Variants in IFT88 observed in about 807,000 individuals in gnomAD.
IFT88 encodes intraflagellar transport protein 88 homolog.
A neutral mutation model predicts 119.5 loss-of-function variants in IFT88; 74 were observed. That is an observed-to-expected ratio of 0.62 (90% CI 0.51 to 0.75). IFT88 has a LOEUF of 0.75. Ranked by LOEUF, IFT88 falls within the 30% of genes least tolerant of loss-of-function variation. The pLI, the probability that IFT88 is intolerant of heterozygous loss-of-function variation, is 0.00. For synonymous variants in IFT88, 279 were observed against 316.7 expected, an observed-to-expected ratio of 0.88 and a Z score of 1.26; for missense variants, 961 against 977.7, an observed-to-expected ratio of 0.98 and a Z score of 0.23.
chr13:20,669,676 G>A (rs953107549), intron 23 of IFT88, among the ~76,000 whole-genome samples: 4 of 151,852 alleles, frequency 2.6e-5, no homozygotes, highest in Admixed American at 2.0e-4. Context: ...CACCCGCCTC[G>A]GCCTCCCAAA....
At position 20,673,853 on chromosome 13, in the gene IFT88, T is replaced by C. The variant is rs186280181; in HGVS notation, c.2242+2814T>C. ...AGCTTTATTCTCACATGAGAGACTT[T>C]TGGCATACAAACTCTGTGCTCTCAA... On this transcript the variant is annotated intron_variant, in intron 24 of 25. Transcript: ENST00000351808. 5.9e-5 allele frequency among the ~76,000 whole-genome samples: 9 copies of C among 152,338 alleles called. No homozygotes were observed. The East Asian group carries it at 1.7e-3, about 29-fold the overall frequency.
intron 14 of IFT88, 121 bp from the exon 15 acceptor site, chr13:20,625,629 T>A: frequency 1.7e-6 from 1 of 587,760 alleles, no homozygotes; most frequent in Non-Finnish European, 2.9e-6. Flanking sequence ...AATCGAGTGC[T>A]TACCTTTACA....
At chr13:20,591,930 G>A (rs2040754609) in intron 6 of IFT88, among the ~76,000 whole-genome samples, 1 of 151,950 alleles carries the variant, frequency 6.6e-6, no homozygotes, top group Non-Finnish European at 1.5e-5. Context: ...AAAGTTAAAT[G>A]ATAATTTAAA....
chr13:20,607,806 A>G, intron 13 of IFT88: 1 of 740,530 alleles, frequency 1.4e-6, no homozygotes, highest in East Asian at 2.6e-5. Flanking sequence ...TGAGCTATTC[A>G]GTTGTCAATG....
intron 16 of IFT88, among the ~76,000 whole-genome samples, chr13:20,634,836 A>G (rs148707392): frequency 0.016 from 2,463 of 150,770 alleles, 61 homozygotes; most frequent in African/African-American, 0.057. Context: ...TTTAGGGTAC[A>G]TGTGTACAAC....
rs1339032254 is a variant in IFT88, at chr13:20,656,365, G to A, written c.2003G>A (p.Gly668Asp). The change falls in exon 22 of 26, where the codon GGT becomes GAT. Residue 668 changes from glycine to aspartate, a missense_variant and splice_region_variant. By Grantham distance (94) the Gly-to-Asp change is moderately conservative. Transcript: ENST00000351808. ...ATATTTTTCTCTTGTTTGTTTATAG[G>A]TAACTACCAAAAAGCATTAGATACT... is the stretch of plus-strand genomic sequence containing the variant. ...LMVASCFRRS[G>D]NYQKALDTYK... The A allele has an allele frequency of 7.2e-7, 1 of 1,396,796 alleles. No individual in the cohort carries two copies. The highest frequency in any genetic ancestry group is 9.8e-7 in the Non-Finnish European group (1 of 1,016,302). 86.5% of individuals were successfully genotyped at this position (1,396,796 alleles called of 1,614,324 possible).
intron 17 of IFT88, among the ~76,000 whole-genome samples, chr13:20,639,372 C>T (rs535789553): frequency 5.9e-5 from 9 of 152,338 alleles, no homozygotes; most frequent in African/African-American, 2.2e-4. Context: ...GGGCATCTGT[C>T]TGGTCTGGTC....
intron 17 of IFT88, among the ~76,000 whole-genome samples, chr13:20,640,571 A>AAATAAAT (rs2049757325): frequency 2.8e-5 from 4 of 144,242 alleles, no homozygotes; most frequent in African/African-American, 5.1e-5. Context: ...ACTCCGTCTC[A>AAATAAAT]AAATAAATAA....
intron 21 of IFT88, among the ~76,000 whole-genome samples, chr13:20,655,119 C>T (rs1012095555): frequency 3.3e-5 from 5 of 152,156 alleles, no homozygotes; most frequent in African/African-American, 9.7e-5. Flanking sequence ...AAATTGCTTT[C>T]TATAAACTTT....
intron 1 of IFT88, among the ~76,000 whole-genome samples, chr13:20,573,420 C>T (rs938784264): frequency 4.6e-5 from 7 of 152,176 alleles, no homozygotes; most frequent in African/African-American, 9.6e-5. Context: ...GGCAGGCAGC[C>T]GTCCTCATTT....
At chr13:20,593,423 A>C (rs932851731) in intron 7 of IFT88, among the ~76,000 whole-genome samples, 2 of 151,842 alleles carry the variant, frequency 1.3e-5, no homozygotes, top group Non-Finnish European at 2.9e-5. Flanking sequence ...ATTCAAACCC[A>C]GTTTTTCTAG....
At chr13:20,656,279 C>T (rs1432776137) in intron 21 of IFT88, 86 bp from the exon 22 acceptor site, 1 of 477,710 alleles carries the variant, frequency 2.1e-6, no homozygotes, top group Non-Finnish European at 3.7e-6. Flanking sequence ...CATTAAATAG[C>T]CAGTATATCA....
At chr13:20,600,681 G>T (rs566477869) in intron 11 of IFT88, among the ~76,000 whole-genome samples, 163 of 149,860 alleles carry the variant, frequency 1.1e-3, no homozygotes, top group African/African-American at 3.9e-3. Flanking sequence ...GTCAAATGGT[G>T]CAGCTACTTC....
intron 20 of IFT88, among the ~76,000 whole-genome samples, chr13:20,646,296 C>CT (rs57699433): frequency 0.029 from 3,997 of 137,276 alleles, 132 homozygotes; most frequent in African/African-American, 0.081. Context: ...CCAATAAAAT[C>CT]TTTTTTTTTT....
chr13:20,601,939 T>A lies in IFT88; in HGVS notation c.1041+6T>A. 6.8e-7 allele frequency: 1 copy of A among 1,477,040 alleles called. No homozygotes were observed. The highest frequency in any genetic ancestry group is 9.4e-7 in the Non-Finnish European group (1 of 1,058,380). 91.5% of individuals were successfully genotyped at this position (1,477,040 alleles called of 1,614,324 possible). The stretch of plus-strand genomic sequence containing the variant: ...ATAAATATATTTCACCAAGTGTGAG[T>A]ATGAAAAAGACATTTCTGTAGCCAC... On this transcript the variant is annotated splice_donor_region_variant and intron_variant, in intron 12 of 25. Coordinates refer to ENST00000351808, the MANE Select transcript of IFT88 (RefSeq NM_006531.5).
Position 20,638,362 on chromosome 13 carries a change from G to T in IFT88, c.1417G>T (p.Ala473Ser). 7.1e-7 allele frequency: 1 copy of T among 1,413,878 alleles called. No individual in the cohort carries two copies. The highest frequency in any genetic ancestry group is 9.3e-7 in the Non-Finnish European group (1 of 1,078,672). 87.6% of individuals were successfully genotyped at this position (1,413,878 alleles called of 1,614,324 possible). A position where few individuals can be genotyped will look rare whatever the true frequency, so the allele number is the denominator to read the frequency against. ...GGATTTTGCACAAGCCAGCAGCTAT[G>T]CAGATATAGCTGTGAACTCTGATAG... is the stretch of plus-strand genomic sequence containing the variant. ...GKDFAQASSY[A>S]DIAVNSDRYN... The change falls in exon 17 of 26, where the codon GCA becomes TCA. Residue 473 changes from alanine (A) to serine (S), a missense_variant. Transcript: ENST00000351808.
At chr13:20,674,531 G>T (rs1303735232) in intron 24 of IFT88, among the ~76,000 whole-genome samples, 1 of 151,702 alleles carries the variant, frequency 6.6e-6, no homozygotes, top group Non-Finnish European at 1.5e-5. Context: ...GCATTTTTTA[G>T]TTTGATTTTT....
chr13:20,683,266 C>T (rs569135386), intron 24 of IFT88, among the ~76,000 whole-genome samples: 8 of 152,216 alleles, frequency 5.3e-5, no homozygotes, highest in African/African-American at 1.9e-4. Flanking sequence ...TAACAATGAC[C>T]GCCATCAAAA....
At chr13:20,688,021 T>A (rs1268150517) in intron 24 of IFT88, among the ~76,000 whole-genome samples, 1 of 152,150 alleles carries the variant, frequency 6.6e-6, no homozygotes, top group Non-Finnish European at 1.5e-5. Context: ...CTGGCAATAC[T>A]CTGAGTAGGC....
Sources: allele counts gnomAD v4.1 joint callset (sites outside exome capture counted in the v4.1 genomes callset), GRCh38; gene constraint gnomAD v4.1.1; transcripts MANE v1.5; gene names NCBI Gene and HGNC (gene_info 2026-07-23, HGNC 2026-07-21).